Variants in NALF1 observed in about 807,000 individuals in gnomAD.
NALF1 encodes the protein NALCN channel auxiliary factor 1.
NALF1 carries 3 observed loss-of-function variants against 48.4 expected under a neutral mutation model. That is an observed-to-expected ratio of 0.06 (90% CI 0.03 to 0.16). NALF1 has a LOEUF of 0.16. Ranked by LOEUF, NALF1 falls within the 10% of genes least tolerant of loss-of-function variation. The pLI, the probability that NALF1 is intolerant of heterozygous loss-of-function variation, is 1.00. For missense variants in NALF1, 526 were observed against 571.5 expected (o/e 0.92, Z 0.81); for synonymous variants, 262 against 245.7 (o/e 1.07, Z -0.62).
intron 1 of NALF1, among the ~76,000 whole-genome samples, chr13:107,426,846 T>A (rs1388728621): frequency 6.6e-6 from 1 of 152,142 alleles, no homozygotes; most frequent in East Asian, 1.9e-4. Context: ...ATTGATGGTA[T>A]CATGTTATCT....
intron 2 of NALF1, among the ~76,000 whole-genome samples, chr13:107,190,655 A>G (rs1408379148): frequency 6.6e-6 from 1 of 152,238 alleles, no homozygotes; most frequent in Non-Finnish European, 1.5e-5. Context: ...ATGTTATAGA[A>G]CAGATAAGAA....
chr13:107,579,124 C>G (rs978334834), intron 1 of NALF1, among the ~76,000 whole-genome samples: 1 of 152,186 alleles, frequency 6.6e-6, no homozygotes, highest in Non-Finnish European at 1.5e-5. Flanking sequence ...CAGAGTCTCA[C>G]TTTGTTGCCC....
intron 1 of NALF1, among the ~76,000 whole-genome samples, chr13:107,455,003 A>G (rs1884801109): frequency 6.6e-6 from 1 of 152,168 alleles, no homozygotes; most frequent in African/African-American, 2.4e-5. Flanking sequence ...ATTAATTCCC[A>G]TGTGTCAAGG....
chr13:107,847,464 C>T (rs1566504823), intron 1 of NALF1, among the ~76,000 whole-genome samples: 1 of 152,290 alleles, frequency 6.6e-6, no homozygotes, highest in East Asian at 1.9e-4. Context: ...TTGCTTCTAA[C>T]AAACAGAATA....
chr13:107,423,510 C>G (rs530724793), intron 1 of NALF1, among the ~76,000 whole-genome samples: 1 of 151,946 alleles, frequency 6.6e-6, no homozygotes, highest in Non-Finnish European at 1.5e-5. Context: ...ATCCAGTGCT[C>G]CCAAAAGAAG....
At chr13:107,551,937 A>C (rs558885649) in intron 1 of NALF1, among the ~76,000 whole-genome samples, 2 of 152,276 alleles carry the variant, frequency 1.3e-5, no homozygotes, top group South Asian at 4.1e-4. Flanking sequence ...GAATCTATTT[A>C]AGCTTTTGTT....
chr13:107,369,577 C>T (rs1390922920), intron 1 of NALF1, among the ~76,000 whole-genome samples: 1 of 152,014 alleles, frequency 6.6e-6, no homozygotes, highest in African/African-American at 2.4e-5. Flanking sequence ...TTAAAACCTA[C>T]CACCTAAACA....
chr13:107,621,584 T>A (rs1370924803), intron 1 of NALF1, among the ~76,000 whole-genome samples: 2 of 152,220 alleles, frequency 1.3e-5, no homozygotes, highest in African/African-American at 4.8e-5. Flanking sequence ...ATTGCGTGAT[T>A]TTTTCCTCTA....
intron 1 of NALF1, among the ~76,000 whole-genome samples, chr13:107,285,797 G>T (rs1265432187): frequency 6.6e-6 from 1 of 151,960 alleles, no homozygotes; most frequent in Non-Finnish European, 1.5e-5. Flanking sequence ...CTGCCCAGGG[G>T]GCTGAGAGAG....
At chr13:107,274,226 G>A (rs1321447529) in intron 1 of NALF1, among the ~76,000 whole-genome samples, 6 of 151,794 alleles carry the variant, frequency 4.0e-5, no homozygotes, top group South Asian at 2.1e-4. Context: ...GAACATCTAC[G>A]GCACCAAATG....
At chr13:107,301,883 A>T (rs1266541833) in intron 1 of NALF1, among the ~76,000 whole-genome samples, 1 of 152,016 alleles carries the variant, frequency 6.6e-6, no homozygotes, top group Non-Finnish European at 1.5e-5. Context: ...ACAGCCAAGA[A>T]CAACTAGAAA....
chr13:107,794,699 A>G (rs1353800783), intron 1 of NALF1, among the ~76,000 whole-genome samples: 1 of 151,790 alleles, frequency 6.6e-6, no homozygotes, highest in Non-Finnish European at 1.5e-5. Flanking sequence ...ATTAGGAATA[A>G]TGGCAACTCT....
At chr13:107,602,825 C>T (rs1878966280) in intron 1 of NALF1, among the ~76,000 whole-genome samples, 1 of 152,150 alleles carries the variant, frequency 6.6e-6, no homozygotes, top group Non-Finnish European at 1.5e-5. Flanking sequence ...TAAGCATAAA[C>T]AAAGACACAG....
At chr13:107,650,804 T>C (rs945704924) in intron 1 of NALF1, among the ~76,000 whole-genome samples, 1 of 152,186 alleles carries the variant, frequency 6.6e-6, no homozygotes, top group African/African-American at 2.4e-5. Flanking sequence ...TATTTCATCC[T>C]TAGCAAACTA....
chr13:107,498,830 G>C (rs1050874724), intron 1 of NALF1, among the ~76,000 whole-genome samples: 3 of 151,976 alleles, frequency 2.0e-5, no homozygotes, highest in African/African-American at 7.3e-5. Context: ...AGGCTGAAAG[G>C]GATTTTTTCA....
intron 1 of NALF1, among the ~76,000 whole-genome samples, chr13:107,708,510 A>C (rs1291354238): frequency 3.7e-5 from 5 of 136,904 alleles, no homozygotes; most frequent in Non-Finnish European, 6.5e-5. Flanking sequence ...TATTAATAAA[A>C]GACAAGCTGT....
At chr13:107,452,236 A>C (rs1209508316) in intron 1 of NALF1, among the ~76,000 whole-genome samples, 1 of 152,226 alleles carries the variant, frequency 6.6e-6, no homozygotes, top group Non-Finnish European at 1.5e-5. Flanking sequence ...ATCCATAGGC[A>C]CATGGCCTTA....
intron 1 of NALF1, among the ~76,000 whole-genome samples, chr13:107,820,059 T>C (rs921241088): frequency 1.3e-5 from 2 of 152,152 alleles, no homozygotes; most frequent in African/African-American, 4.8e-5. Context: ...ACCCAGCCCA[T>C]TTCTTGTGAC....
At chr13:107,445,924 G>A (rs994787959) in intron 1 of NALF1, among the ~76,000 whole-genome samples, 2 of 151,916 alleles carry the variant, frequency 1.3e-5, no homozygotes, top group Non-Finnish European at 2.9e-5. Context: ...TAAAAATACT[G>A]GTCACATTTA....
Sources: allele counts gnomAD v4.1 joint callset (sites outside exome capture counted in the v4.1 genomes callset), GRCh38; gene constraint gnomAD v4.1.1; transcripts MANE v1.5; gene names NCBI Gene and HGNC (gene_info 2026-07-23, HGNC 2026-07-21).